Variants in MRAS observed in about 807,000 individuals in gnomAD.
The protein encoded by MRAS is ras-related protein M-Ras.
In MRAS, 4 loss-of-function variants were observed where a neutral mutation model predicts 20.9. That is an observed-to-expected ratio of 0.19 (90% CI 0.09 to 0.44). The LOEUF is 0.44. Among genes scored for constraint, MRAS ranks in the 20% least tolerant of loss-of-function variants. The pLI is 0.99. For missense variants in MRAS, 154 were observed against 277.5 expected (o/e 0.56, Z 3.16); for synonymous variants, 98 against 102.9 (o/e 0.95, Z 0.29).
intron 2 of MRAS, among the ~76,000 whole-genome samples, chr3:138,393,720 G>A (rs1262783579): frequency 1.3e-5 from 2 of 151,082 alleles, no homozygotes; most frequent in African/African-American, 2.4e-5. Flanking sequence ...ACAGAGCTTC[G>A]CTCTTGTTGC....
At chr3:138,367,564 T>G (rs2054585648) in intron 1 of MRAS, among the ~76,000 whole-genome samples, 2 of 152,184 alleles carry the variant, frequency 1.3e-5, no homozygotes, top group Admixed American at 6.5e-5. Flanking sequence ...AGCCACCCAC[T>G]TCCTAGGGGT....
rs892725242 is a variant in MRAS, at chr3:138,402,514, GC to G, written c.*252del. 8 of 453,006 alleles carry G rather than the reference GC, an allele frequency of 1.8e-5. No individual in the cohort carries two copies. The highest frequency in any genetic ancestry group is 3.1e-5 in the Non-Finnish European group (8 of 256,432). 28.1% of individuals were successfully genotyped at this position (453,006 alleles called of 1,614,324 possible). On this transcript the variant is annotated 3_prime_UTR_variant, in exon 6 of 6. Transcript: ENST00000423968. ...CAGAAGCAGCATCCAAGTGCCCCTG[GC>G]CCCCCCATGTGTTGATTCAACCCGG... is the stretch of plus-strand genomic sequence containing the variant.
intron 2 of MRAS, among the ~76,000 whole-genome samples, chr3:138,377,257 A>G (rs1326257199): frequency 6.6e-6 from 1 of 152,228 alleles, no homozygotes; most frequent in Non-Finnish European, 1.5e-5. Flanking sequence ...CCTCGGGAAT[A>G]GACACCAGAT....
intron 4 of MRAS, 50 bp from the exon 5 acceptor site, chr3:138,400,484 G>A (rs755877770): frequency 6.5e-7 from 1 of 1,530,198 alleles, no homozygotes; most frequent in Non-Finnish European, 9.1e-7. Flanking sequence ...GTGTAACAGG[G>A]CTTTGAGGAT....
At position 138,391,642 on chromosome 3, in the gene MRAS, C is replaced by T. The variant is rs574665913; in HGVS notation, c.194-5682C>T. On this transcript the variant is annotated intron_variant, in intron 2 of 5. Coordinates refer to ENST00000423968, the MANE Select transcript of MRAS (RefSeq NM_001085049.3). ...AATATAAATGAATCTTGTATTTAGA[C>T]TTGGGTCCCATCCCCAAGAGATCTC... Among the ~76,000 whole-genome samples the T allele has an allele frequency of 1.4e-4, 21 of 152,298 alleles. No individual in the cohort carries two copies. In the South Asian group the frequency reaches 4.3e-3, roughly 32 times the overall value.
In MRAS at chr3:138,404,026, T is replaced by G. The variant is rs2055409793; in HGVS notation, c.*1757T>G. 6.6e-6 allele frequency: 1 copy of G among 152,254 alleles called. No homozygotes were observed. The highest frequency in any genetic ancestry group is 2.4e-5 in the African/African-American group (1 of 41,472). 9.4% of individuals were successfully genotyped at this position (152,254 alleles called of 1,614,324 possible). ...TTGGAAATCAAACTTCTTATTTGTCTAAATTGCCCCTTTTTCTGTTCCTAA... is the reference window on the plus strand; with the variant it reads ...TTGGAAATCAAACTTCTTATTTGTCGAAATTGCCCCTTTTTCTGTTCCTAA... On this transcript the variant is annotated 3_prime_UTR_variant, in exon 6 of 6. Transcript: ENST00000423968.
At chr3:138,348,496 T>TC (rs1352672407), upstream of MRAS, 1 of 151,950 alleles carries the variant, frequency 6.6e-6, no homozygotes, top group Non-Finnish European at 1.5e-5. Context: ...CGGCCCGGGC[T>TC]CCCCACTGGC....
At chr3:138,399,742 C>T (rs530681328) in intron 4 of MRAS, among the ~76,000 whole-genome samples, 3 of 152,332 alleles carry the variant, frequency 2.0e-5, no homozygotes, top group Non-Finnish European at 4.4e-5. Context: ...CCCTGCTCCC[C>T]GCCTTTGGGG....
intron 1 of MRAS, among the ~76,000 whole-genome samples, chr3:138,356,554 A>G (rs1412301991): frequency 6.6e-6 from 1 of 152,222 alleles, no homozygotes; most frequent in Non-Finnish European, 1.5e-5. Context: ...AGACAGGCAA[A>G]GCCGTCTTTC....
intron 1 of MRAS, among the ~76,000 whole-genome samples, chr3:138,369,948 T>G (rs2054639963): frequency 6.6e-6 from 1 of 152,254 alleles, no homozygotes; most frequent in African/African-American, 2.4e-5. Context: ...GACAAACGGT[T>G]TTCCTTTTCA....
At chr3:138,389,357 T>A (rs1364145526) in intron 2 of MRAS, among the ~76,000 whole-genome samples, 1 of 151,502 alleles carries the variant, frequency 6.6e-6, no homozygotes, top group Non-Finnish European at 1.5e-5. Context: ...GGTGAGGAGC[T>A]GAGCCAGGCC....
rs1318921083 is a variant in MRAS, at chr3:138,404,437, G to A, written c.*2168G>A. ...ACTGAGTTTGATAGTCTCACTGGAA[G>A]CAGATCAGCTGATGTAGAACAGAGA... On this transcript the variant is annotated 3_prime_UTR_variant, in exon 6 of 6. Coordinates refer to ENST00000423968, the MANE Select transcript of MRAS (RefSeq NM_001085049.3). 2.0e-5 allele frequency: 3 copies of A among 152,376 alleles called. No homozygotes were observed. In the East Asian group the frequency reaches 5.8e-4, roughly 29 times the overall value. The allele number at this position is 152,376 out of a possible 1,614,324, so 9.4% of individuals were successfully genotyped here.
rs1211507490 is a variant in MRAS at position 138,405,456 on chromosome 3, A to C, written c.*3187A>C. 6.5e-6 allele frequency: 1 copy of C among 152,708 alleles called. No homozygotes were observed. The highest frequency in any genetic ancestry group is 2.4e-5 in the African/African-American group (1 of 41,478). 9.5% of individuals were successfully genotyped at this position (152,708 alleles called of 1,614,324 possible). A position where few individuals can be genotyped will look rare whatever the true frequency, so the allele number is the denominator to read the frequency against. ...GAAACGAGTGATGCCTGAAGATCTC[A>C]GTGATGTTTGAACCTTCTGTGTAAC... On this transcript the variant is annotated 3_prime_UTR_variant, in exon 6 of 6. Coordinates refer to ENST00000423968, the MANE Select transcript of MRAS (RefSeq NM_001085049.3).
In MRAS at chr3:138,403,621, A is replaced by G. The variant is rs1036741003; in HGVS notation, c.*1352A>G. On this transcript the variant is annotated 3_prime_UTR_variant, in exon 6 of 6. Transcript: ENST00000423968. ...AGGGGGCAGTCTCCCCAGCTCCCTGATGATGCTCACCCCCGCCCCCCCACC... is the reference window on the plus strand; with the variant it reads ...AGGGGGCAGTCTCCCCAGCTCCCTGGTGATGCTCACCCCCGCCCCCCCACC... The G allele has an allele frequency of 1.3e-5, 2 of 152,648 alleles. No individual in the cohort carries two copies. Among genetic ancestry groups the G allele is most frequent in the African/African-American group, 4.8e-5 (2 of 41,452 alleles). The allele number at this position is 152,648 out of a possible 1,614,324, so 9.5% of individuals were successfully genotyped here. A position where few individuals can be genotyped will look rare whatever the true frequency, so the allele number is the denominator to read the frequency against.
At chr3:138,347,660 TC>T (rs1275465903), upstream of MRAS, 7 of 152,252 alleles carry the variant, frequency 4.6e-5, no homozygotes, top group African/African-American at 1.7e-4. Flanking sequence ...TAGCGCAATC[TC>T]GGCTCACTAC....
chr3:138,378,056 A>G (rs1379052813), intron 2 of MRAS, among the ~76,000 whole-genome samples: 1 of 152,220 alleles, frequency 6.6e-6, no homozygotes, highest in African/African-American at 2.4e-5. Flanking sequence ...CCCACAGCAC[A>G]GTGGATCCTT....
At chr3:138,360,334 C>T (rs1331221200) in intron 1 of MRAS, among the ~76,000 whole-genome samples, 3 of 152,206 alleles carry the variant, frequency 2.0e-5, no homozygotes, top group Non-Finnish European at 4.4e-5. Flanking sequence ...CCACCCTGCT[C>T]TTCTCCTGGG....
At chr3:138,366,342 A>G (rs1009040930) in intron 1 of MRAS, among the ~76,000 whole-genome samples, 7 of 152,230 alleles carry the variant, frequency 4.6e-5, no homozygotes, top group African/African-American at 7.2e-5. Context: ...ATGAAAGTCC[A>G]TTCACTTTCC....
intron 2 of MRAS, among the ~76,000 whole-genome samples, chr3:138,385,156 A>ATTTTT (rs34770279): frequency 1.5e-5 from 1 of 66,474 alleles, no homozygotes; most frequent in Non-Finnish European, 2.6e-5. Context: ...TTGATTTGTA[A>ATTTTT]TTTTTTTTTT....
Sources: allele counts gnomAD v4.1 joint callset (sites outside exome capture counted in the v4.1 genomes callset), GRCh38; gene constraint gnomAD v4.1.1; transcripts MANE v1.5; gene names NCBI Gene and HGNC (gene_info 2026-07-23, HGNC 2026-07-21).